Variants in PIK3AP1 observed in about 807,000 individuals in gnomAD.
PIK3AP1 encodes the protein phosphoinositide 3-kinase adapter protein 1.
In PIK3AP1, 21 loss-of-function variants were observed where a neutral mutation model predicts 88.1. The observed-to-expected ratio is 0.24, with a 90% CI of 0.17 to 0.34. The LOEUF is 0.34. PIK3AP1 is among the 10% of genes least tolerant of loss of function. The probability of loss-of-function intolerance (pLI) is 1.00; values close to 1 mark genes in which losing one functional copy is unlikely to be tolerated. For synonymous variants in PIK3AP1, 398 were observed against 400.0 expected (o/e 1.00, Z 0.06); for missense variants, 828 against 1,035.7 (o/e 0.80, Z 2.75).
At chr10:96,688,669 A>T (rs1482659385) in intron 2 of PIK3AP1, among the ~76,000 whole-genome samples, 1 of 152,026 alleles carries the variant, frequency 6.6e-6, no homozygotes, top group Non-Finnish European at 1.5e-5. Flanking sequence ...GTAGTGGCAC[A>T]TGCCTGTAGT....
intron 13 of PIK3AP1, among the ~76,000 whole-genome samples, chr10:96,612,950 GTATATATATATA>G (rs398046320): frequency 5.2e-4 from 31 of 59,676 alleles, no homozygotes; most frequent in African/African-American, 2.4e-3. Context: ...GTGTGTGTGT[GTATATATATATA>G]TATATATATA....
At chr10:96,662,668 C>CAGGAGAT (rs1843705273) in intron 2 of PIK3AP1, among the ~76,000 whole-genome samples, 1 of 150,684 alleles carries the variant, frequency 6.6e-6, no homozygotes, top group Non-Finnish European at 1.5e-5. Flanking sequence ...ATCATGAGGT[C>CAGGAGAT]AGGAGATCGA....
Position 96,604,344 on chromosome 10 carries a change from A to ATTTTTTTTTTTTTT in PIK3AP1, c.2171-309_2171-296dup, listed in dbSNP as rs66487275. On this transcript the variant is annotated intron_variant, in intron 14 of 16. Coordinates refer to ENST00000339364, the MANE Select transcript of PIK3AP1 (RefSeq NM_152309.3). ...AGGTGTGTGCCACCACACCTAGCCAATTTTTTTTTTTTTTTTTTTTTTTTT... is the reference window on the plus strand; with the variant it reads ...AGGTGTGTGCCACCACACCTAGCCAATTTTTTTTTTTTTTTTTTTTTTTTTTTTTTTTTTTTTTT... Among the ~76,000 whole-genome samples, 5 of 77,124 alleles carry ATTTTTTTTTTTTTT rather than the reference A, an allele frequency of 6.5e-5. 1 individual carries two copies. Among genetic ancestry groups the ATTTTTTTTTTTTTT allele is most frequent in the Non-Finnish European group, 7.2e-5 (3 of 41,864 alleles). The allele number at this position is 77,124 out of a possible 152,430, so 50.6% of individuals were successfully genotyped here. A position where few individuals can be genotyped will look rare whatever the true frequency, so the allele number is the denominator to read the frequency against.
At chr10:96,614,616 T>C (rs1849183696) in intron 13 of PIK3AP1, among the ~76,000 whole-genome samples, 1 of 152,156 alleles carries the variant, frequency 6.6e-6, no homozygotes, top group African/African-American at 2.4e-5. Flanking sequence ...GTGTTAGGCA[T>C]GGTGGAACAG....
intron 2 of PIK3AP1, among the ~76,000 whole-genome samples, chr10:96,701,608 G>GA (rs1437079263): frequency 6.6e-6 from 1 of 152,138 alleles, no homozygotes; most frequent in East Asian, 1.9e-4. Flanking sequence ...CCTTGCAAGA[G>GA]AAACTGCAAA....
chr10:96,616,018 G>C (rs893913397), intron 13 of PIK3AP1, among the ~76,000 whole-genome samples: 1 of 152,222 alleles, frequency 6.6e-6, no homozygotes, highest in Non-Finnish European at 1.5e-5. Context: ...CTATGCCAGA[G>C]GCTCTCTGTG....
At chr10:96,630,509 T>C (rs1843230004) in intron 8 of PIK3AP1, among the ~76,000 whole-genome samples, 1 of 152,146 alleles carries the variant, frequency 6.6e-6, no homozygotes, top group Middle Eastern at 3.2e-3. Flanking sequence ...ATTTGCTTAA[T>C]TGTGTTTCAC....
At chr10:96,621,324 G>A (rs1017277262) in intron 11 of PIK3AP1, 1 of 153,058 alleles carries the variant, frequency 6.5e-6, no homozygotes, top group Admixed American at 6.5e-5. Flanking sequence ...CAGACAACAT[G>A]GCCATTGTAG....
chr10:96,632,533 C>T (rs928299993), intron 8 of PIK3AP1, among the ~76,000 whole-genome samples: 1 of 148,036 alleles, frequency 6.8e-6, no homozygotes, highest in African/African-American at 2.5e-5. Context: ...TAAGTACCTT[C>T]CACAGACACT....
chr10:96,696,031 TCAAGCC>T (rs1319027462), intron 2 of PIK3AP1, among the ~76,000 whole-genome samples: 1 of 152,204 alleles, frequency 6.6e-6, no homozygotes, highest in African/African-American at 2.4e-5. Flanking sequence ...CCAAAGGGCA[TCAAGCC>T]TCTACATAAG....
In PIK3AP1 at chr10:96,720,338, A is replaced by G; in HGVS notation, c.13+44T>C. Reference sequence around the variant, plus strand: ...CGCCTCAAGGGATGCGGGGTACGAGAGAGGGGCCGGGAGCCCGGGGACCCG... The same window carrying G: ...CGCCTCAAGGGATGCGGGGTACGAGGGAGGGGCCGGGAGCCCGGGGACCCG... On this transcript the variant is annotated intron_variant, in intron 1 of 16. Transcript: ENST00000339364. The surrounding 1 kb of genome is among the most constrained non-coding windows in gnomAD (Gnocchi z 4.6). 1 of 1,242,974 alleles carries G rather than the reference A, an allele frequency of 8.0e-7. No homozygotes were observed. The highest frequency in any genetic ancestry group is 1.0e-6 in the Non-Finnish European group (1 of 987,672). The allele number at this position is 1,242,974 out of a possible 1,614,324, so 77.0% of individuals were successfully genotyped here.
In PIK3AP1 at chr10:96,602,147, T is replaced by C. The variant is rs1034995694; in HGVS notation, c.2360+133A>G. On this transcript the variant is annotated intron_variant, in intron 16 of 16. Transcript: ENST00000339364. ...ATCCGCCCGCCTTGGCCTCCCAAAG[T>C]GCTGGGATTACAGGCATGAGCCACT... 10 of 710,992 alleles carry C rather than the reference T, an allele frequency of 1.4e-5. No homozygotes were observed. In the Admixed American group the frequency reaches 1.5e-4, roughly 11 times the overall value. The allele number at this position is 710,992 out of a possible 1,614,324, so 44.0% of individuals were successfully genotyped here. A position where few individuals can be genotyped will look rare whatever the true frequency, so the allele number is the denominator to read the frequency against.
chr10:96,677,578 T>TACACACACAC lies in PIK3AP1; in HGVS notation c.431-20654_431-20645dup, dbSNP rs35018772. 1.0e-3 allele frequency among the ~76,000 whole-genome samples: 122 copies of TACACACACAC among 121,178 alleles called. 1 individual carries two copies. The highest frequency in any genetic ancestry group is 4.3e-3 in the Middle Eastern group (1 of 232). 79.5% of individuals were successfully genotyped at this position (121,178 alleles called of 152,430 possible). ...GCTAACTACCTCCTCACTAAGCACA[T>TACACACACAC]ACACACACACACACACACACACACA... On this transcript the variant is annotated intron_variant, in intron 2 of 16. Transcript: ENST00000339364.
rs1234063914 is a variant in PIK3AP1 at position 96,693,655 on chromosome 10, C to CTGGT, written c.430+15911_430+15912insACCA. On this transcript the variant is annotated intron_variant, in intron 2 of 16. Transcript: ENST00000339364. ...GTTGACTCATGTCTTCAACTAAAGCCACCAGATCTTACATATGCTACTCTT... is the reference window on the plus strand; with the variant it reads ...GTTGACTCATGTCTTCAACTAAAGCCTGGTACCAGATCTTACATATGCTACTCTT... Among the ~76,000 whole-genome samples, 3 of 152,326 alleles carry CTGGT rather than the reference C, an allele frequency of 2.0e-5. No individual in the cohort carries two copies. In the East Asian group the frequency reaches 5.8e-4, roughly 29 times the overall value.
intron 2 of PIK3AP1, among the ~76,000 whole-genome samples, chr10:96,676,135 T>C (rs1564980284): frequency 6.6e-6 from 1 of 152,134 alleles, no homozygotes; most frequent in Non-Finnish European, 1.5e-5. Flanking sequence ...GTCCTCAGCC[T>C]GTCCCATGCC....
At chr10:96,694,994 A>G (rs1326142712) in intron 2 of PIK3AP1, among the ~76,000 whole-genome samples, 1 of 152,202 alleles carries the variant, frequency 6.6e-6, no homozygotes, top group Non-Finnish European at 1.5e-5. Flanking sequence ...AAGGATTTCT[A>G]TAACCTACGG....
chr10:96,713,927 A>C (rs1244677417), intron 1 of PIK3AP1, among the ~76,000 whole-genome samples: 3 of 152,074 alleles, frequency 2.0e-5, no homozygotes, highest in Non-Finnish European at 2.9e-5. Context: ...TAATCCCAGC[A>C]CTTTGGGAGG....
intron 2 of PIK3AP1, among the ~76,000 whole-genome samples, chr10:96,694,591 T>A (rs954998253): frequency 3.4e-5 from 5 of 149,210 alleles, no homozygotes; most frequent in Non-Finnish European, 5.9e-5. Flanking sequence ...TGGAGTGCAG[T>A]GGGGCTGTCC....
chr10:96,610,505 G>A (rs1401040201), intron 13 of PIK3AP1, among the ~76,000 whole-genome samples: 2 of 150,158 alleles, frequency 1.3e-5, no homozygotes, highest in African/African-American at 4.9e-5. Flanking sequence ...TGCTTGTACA[G>A]CCTCTTGCTC....
Sources: allele counts gnomAD v4.1 joint callset (sites outside exome capture counted in the v4.1 genomes callset), GRCh38; gene constraint gnomAD v4.1.1; non-coding constraint Gnocchi (gnomAD v3.1); transcripts MANE v1.5; gene names NCBI Gene and HGNC (gene_info 2026-07-23, HGNC 2026-07-21).